The following RPS6KC1 variants were observed in gnomAD, a reference collection of about 807,000 sequenced individuals.
The protein encoded by RPS6KC1 is ribosomal protein S6 kinase C1.
A neutral mutation model predicts 103.8 loss-of-function variants in RPS6KC1; 54 were observed. The ratio of observed to expected loss-of-function variants is 0.52; its 90% CI spans 0.42 to 0.65. RPS6KC1 has a LOEUF of 0.65. RPS6KC1 is among the 30% of genes least tolerant of loss of function. The pLI is 0.00. For synonymous variants in RPS6KC1, 439 were observed against 438.7 expected (o/e 1.00, Z -0.01); for missense variants, 1,151 against 1,253.8 (o/e 0.92, Z 1.24).
At chr1:213,258,562 G>A (rs541436203) in intron 12 of RPS6KC1, among the ~76,000 whole-genome samples, 1 of 152,188 alleles carries the variant, frequency 6.6e-6, no homozygotes, top group Non-Finnish European at 1.5e-5. Context: ...TGCTTCATGT[G>A]TGTTGGTTGA....
chr1:213,830,206 C>A, the RPS6KC1 span, among the ~76,000 whole-genome samples: 1 of 152,136 alleles, frequency 6.6e-6, no homozygotes, highest in African/African-American at 2.4e-5. Context: ...TGAATATGGT[C>A]ATTTTAGCAG....
At chr1:213,542,890 C>A in the RPS6KC1 span, among the ~76,000 whole-genome samples, 1 of 152,212 alleles carries the variant, frequency 6.6e-6, no homozygotes, top group South Asian at 2.1e-4. Context: ...CTTGGGTCTC[C>A]CAAATTTCAG....
the RPS6KC1 span, among the ~76,000 whole-genome samples, chr1:213,466,382 C>A: frequency 6.6e-6 from 1 of 152,114 alleles, no homozygotes; most frequent in Non-Finnish European, 1.5e-5. Context: ...CAAGATTGGG[C>A]AAACATGCTC....
At chr1:213,539,604 T>C in the RPS6KC1 span, among the ~76,000 whole-genome samples, 5 of 152,228 alleles carry the variant, frequency 3.3e-5, no homozygotes, top group Non-Finnish European at 7.3e-5. Context: ...CAAGTAATAA[T>C]AGACATAGTA....
chr1:213,515,061 C>T, the RPS6KC1 span, among the ~76,000 whole-genome samples: 1,570 of 152,220 alleles, frequency 0.01, 26 homozygotes, highest in African/African-American at 0.035. Flanking sequence ...CCTTTGCCCA[C>T]TTGTTGATAG....
the RPS6KC1 span, among the ~76,000 whole-genome samples, chr1:213,394,389 C>G: frequency 6.6e-6 from 1 of 152,254 alleles, no homozygotes; most frequent in Middle Eastern, 3.4e-3. Flanking sequence ...GAAATGGCAG[C>G]AAACTAGGGC....
At chr1:213,230,929 A>G (rs1184635682) in intron 9 of RPS6KC1, among the ~76,000 whole-genome samples, 1 of 151,750 alleles carries the variant, frequency 6.6e-6, no homozygotes, top group Non-Finnish European at 1.5e-5. Context: ...AGAAAAGTTA[A>G]TATTTTAGTT....
At chr1:213,303,566 CA>C in the RPS6KC1 span, among the ~76,000 whole-genome samples, 4 of 152,174 alleles carry the variant, frequency 2.6e-5, no homozygotes, top group East Asian at 7.7e-4. Context: ...GGCTCTTCCC[CA>C]AGCACGTTCC....
the RPS6KC1 span, among the ~76,000 whole-genome samples, chr1:213,523,081 T>C: frequency 1.3e-5 from 2 of 152,238 alleles, no homozygotes; most frequent in Non-Finnish European, 2.9e-5. Flanking sequence ...TTCCTTTCAC[T>C]TGAGCAATTA....
At chr1:213,749,466 G>GCATA in the RPS6KC1 span, among the ~76,000 whole-genome samples, 1 of 152,110 alleles carries the variant, frequency 6.6e-6, no homozygotes, top group Non-Finnish European at 1.5e-5. Flanking sequence ...AAAGACTGGG[G>GCATA]CATACAACTG....
chr1:213,234,832 TAATACAGG>T (rs915017285), intron 10 of RPS6KC1, among the ~76,000 whole-genome samples: 12 of 152,202 alleles, frequency 7.9e-5, no homozygotes, highest in African/African-American at 2.9e-4. Flanking sequence ...GTAAAAAGGC[TAATACAGG>T]AGGCTAGTGA....
At chr1:213,764,639 A>C in the RPS6KC1 span, among the ~76,000 whole-genome samples, 6 of 152,114 alleles carry the variant, frequency 3.9e-5, no homozygotes, top group Admixed American at 3.3e-4. Flanking sequence ...TGCCTCTGAC[A>C]GCTTTTCAGT....
At chr1:213,114,834 T>C (rs1164879379) in intron 4 of RPS6KC1, among the ~76,000 whole-genome samples, 1 of 152,256 alleles carries the variant, frequency 6.6e-6, no homozygotes, top group Non-Finnish European at 1.5e-5. Context: ...TGTTTGGTTC[T>C]GTTTATATGC....
the RPS6KC1 span, among the ~76,000 whole-genome samples, chr1:213,760,570 A>G: frequency 6.6e-6 from 1 of 152,128 alleles, no homozygotes; most frequent in Admixed American, 6.5e-5. Flanking sequence ...AAAACATACC[A>G]CACTTCTGTC....
chr1:213,636,420 A>T, the RPS6KC1 span, among the ~76,000 whole-genome samples: 1 of 152,204 alleles, frequency 6.6e-6, no homozygotes. Flanking sequence ...AACAGTATAT[A>T]TAGACCAATG....
At chr1:213,278,819 G>A (rs2095117515), downstream of RPS6KC1, among the ~76,000 whole-genome samples, 1 of 152,210 alleles carries the variant, frequency 6.6e-6, no homozygotes, top group Non-Finnish European at 1.5e-5. Flanking sequence ...CTGAGGAGCT[G>A]CAGGAAGCCT....
At chr1:213,375,911 G>A in the RPS6KC1 span, among the ~76,000 whole-genome samples, 1 of 152,238 alleles carries the variant, frequency 6.6e-6, no homozygotes, top group African/African-American at 2.4e-5. Flanking sequence ...CAACTACTAG[G>A]CATGCTGTCC....
At chr1:213,460,578 C>A in the RPS6KC1 span, among the ~76,000 whole-genome samples, 2 of 151,988 alleles carry the variant, frequency 1.3e-5, no homozygotes, top group Non-Finnish European at 2.9e-5. Context: ...GGGCATTTAG[C>A]CTGTTTACAT....
chr1:213,499,916 T>C, the RPS6KC1 span, among the ~76,000 whole-genome samples: 1 of 152,150 alleles, frequency 6.6e-6, no homozygotes, highest in Non-Finnish European at 1.5e-5. Context: ...AAAACACACA[T>C]ACCATAAATG....
Sources: gnomAD v4.1 joint callset for allele counts (sites outside exome capture counted in the v4.1 genomes callset) on GRCh38, gnomAD v4.1.1 for gene constraint, MANE v1.5 for transcripts, NCBI Gene and HGNC (gene_info 2026-07-23, HGNC 2026-07-21) for gene names.